GPATCH2: variants seen among roughly 807,000 people sequenced by gnomAD.
GPATCH2 encodes G-patch domain containing 2, also known as G patch domain-containing protein 2.
A neutral mutation model predicts 58.0 loss-of-function variants in GPATCH2; 51 were observed. That is an observed-to-expected ratio of 0.88 (90% CI 0.70 to 1.11). The LOEUF (loss-of-function observed/expected upper bound fraction) is 1.11, where lower values mean the gene tolerates loss of function less well. GPATCH2 is among the 50% of genes most tolerant of loss of function. GPATCH2 has a pLI of 0.00. For synonymous variants in GPATCH2, 222 were observed against 218.5 expected, an observed-to-expected ratio of 1.02 and a Z score of -0.14; for missense variants, 625 against 652.2, an observed-to-expected ratio of 0.96 and a Z score of 0.45.
chr1:217,512,422 A>T (rs1662900961), intron 6 of GPATCH2, among the ~76,000 whole-genome samples: 1 of 152,232 alleles, frequency 6.6e-6, no homozygotes, highest in South Asian at 2.1e-4. Flanking sequence ...GGAACCCCTA[A>T]ATGGAAACAG....
At chr1:217,580,080 AAATC>A (rs923456753) in intron 5 of GPATCH2, among the ~76,000 whole-genome samples, 23 of 152,336 alleles carry the variant, frequency 1.5e-4, no homozygotes, top group Non-Finnish European at 5.9e-5. Flanking sequence ...TTCAGGATAA[AAATC>A]AAATAATTCG....
chr1:217,578,466 G>A (rs1191569561), intron 5 of GPATCH2, among the ~76,000 whole-genome samples: 1 of 152,092 alleles, frequency 6.6e-6, no homozygotes, highest in East Asian at 1.9e-4. Flanking sequence ...TGCCCAGGGT[G>A]GTCCTGAACT....
chr1:217,564,993 C>T (rs1322310608), intron 5 of GPATCH2, among the ~76,000 whole-genome samples: 1 of 152,130 alleles, frequency 6.6e-6, no homozygotes, highest in Non-Finnish European at 1.5e-5. Context: ...AAAGAAGAAG[C>T]AGAATGTTTA....
intron 5 of GPATCH2, among the ~76,000 whole-genome samples, chr1:217,598,783 A>G (rs149840580): frequency 1.9e-3 from 285 of 152,328 alleles, no homozygotes; most frequent in African/African-American, 6.0e-3. Context: ...TATTAAACAC[A>G]TACAATGTGC....
intron 5 of GPATCH2, among the ~76,000 whole-genome samples, chr1:217,585,219 T>C (rs1034889136): frequency 2.0e-5 from 3 of 152,098 alleles, no homozygotes; most frequent in Non-Finnish European, 4.4e-5. Flanking sequence ...CTCATTCATG[T>C]TAATGTTTGC....
rs1331669781 is a variant in GPATCH2 at position 217,428,695 on chromosome 1, G to C, written c.*2450C>G. 6.6e-6 allele frequency: 1 copy of C among 152,122 alleles called. No individual in the cohort carries two copies. 9.4% of individuals were successfully genotyped at this position (152,122 alleles called of 1,614,324 possible). On this transcript the variant is annotated 3_prime_UTR_variant, in exon 10 of 10. Coordinates refer to ENST00000366935, the MANE Select transcript of GPATCH2 (RefSeq NM_018040.5). ...GAGTAAGAAGTATTTTAAGTCCTCT[G>C]TGAATCACATAGAGGGCTCTAGGTG...
At chr1:217,492,935 C>A (rs1661820289) in intron 7 of GPATCH2, among the ~76,000 whole-genome samples, 1 of 152,162 alleles carries the variant, frequency 6.6e-6, no homozygotes, top group African/African-American at 2.4e-5. Flanking sequence ...TGTTCAATTA[C>A]ATCACTTAGA....
chr1:217,563,944 T>C (rs1666061528), intron 5 of GPATCH2, among the ~76,000 whole-genome samples: 1 of 142,892 alleles, frequency 7.0e-6, no homozygotes, highest in Non-Finnish European at 1.5e-5. Flanking sequence ...CTCAGGAGGC[T>C]GGGGCAGGAC....
chr1:217,550,586 T>C (rs540492512), intron 5 of GPATCH2, among the ~76,000 whole-genome samples: 1 of 152,090 alleles, frequency 6.6e-6, no homozygotes, highest in Non-Finnish European at 1.5e-5. Context: ...TGTTACCTAG[T>C]TGGTTTAAAA....
intron 8 of GPATCH2, among the ~76,000 whole-genome samples, chr1:217,489,205 G>A (rs1192146208): frequency 6.6e-6 from 1 of 150,814 alleles, no homozygotes; most frequent in Non-Finnish European, 1.5e-5. Flanking sequence ...CCAAAGTGCT[G>A]GAATTAACTA....
intron 5 of GPATCH2, among the ~76,000 whole-genome samples, chr1:217,577,345 A>C (rs1437135942): frequency 6.6e-6 from 1 of 152,182 alleles, no homozygotes; most frequent in South Asian, 2.1e-4. Context: ...TAAGAGCATG[A>C]TCTTTGACTC....
chr1:217,578,055 T>C (rs553165399), intron 5 of GPATCH2, among the ~76,000 whole-genome samples: 1 of 138,016 alleles, frequency 7.2e-6, no homozygotes, highest in African/African-American at 2.6e-5. Flanking sequence ...CCTGGTTTTA[T>C]TTTATACTGC....
intron 8 of GPATCH2, among the ~76,000 whole-genome samples, chr1:217,454,785 C>T (rs537224912): frequency 2.0e-5 from 3 of 151,376 alleles, no homozygotes; most frequent in Non-Finnish European, 4.4e-5. Flanking sequence ...AGGTGCACAC[C>T]ACTATGCCCT....
intron 8 of GPATCH2, among the ~76,000 whole-genome samples, chr1:217,463,641 CAAAAAAA>C (rs201402598): frequency 9.5e-4 from 78 of 82,390 alleles, no homozygotes; most frequent in African/African-American, 2.6e-3. Context: ...CTTATCACTC[CAAAAAAA>C]AAAAAAAAAA....
At chr1:217,549,282 A>AT (rs148559159) in intron 5 of GPATCH2, among the ~76,000 whole-genome samples, 10,458 of 152,164 alleles carry the variant, frequency 0.069, 392 homozygotes, top group Middle Eastern at 0.095. Flanking sequence ...TCAATATGAG[A>AT]TTTTTTAAGT....
At chr1:217,525,480 ATTTTATG>A (rs913237809) in intron 5 of GPATCH2, among the ~76,000 whole-genome samples, 1 of 152,218 alleles carries the variant, frequency 6.6e-6, no homozygotes, top group African/African-American at 2.4e-5. Context: ...TAAACATTCT[ATTTTATG>A]TTTAAAGTCT....
chr1:217,519,636 T>C (rs898010222), intron 5 of GPATCH2, among the ~76,000 whole-genome samples: 1 of 152,204 alleles, frequency 6.6e-6, no homozygotes, highest in African/African-American at 2.4e-5. Context: ...AACTTTCTCA[T>C]TCCACAGCCA....
intron 5 of GPATCH2, among the ~76,000 whole-genome samples, chr1:217,531,475 T>C (rs992916717): frequency 7.2e-5 from 11 of 152,208 alleles, no homozygotes; most frequent in Non-Finnish European, 1.6e-4. Context: ...CTGGATATGG[T>C]GTTTTTGAAG....
At chr1:217,571,703 C>CAAAAAA (rs11463536) in intron 5 of GPATCH2, among the ~76,000 whole-genome samples, 36 of 73,796 alleles carry the variant, frequency 4.9e-4, no homozygotes, top group East Asian at 1.5e-3. Context: ...AAAACGAAAC[C>CAAAAAA]AAAAAAAAAA....
Sources: allele counts gnomAD v4.1 joint callset (sites outside exome capture counted in the v4.1 genomes callset), GRCh38; gene constraint gnomAD v4.1.1; transcripts MANE v1.5; gene names NCBI Gene and HGNC (gene_info 2026-07-23, HGNC 2026-07-21).